GLCCI1: variants seen among roughly 807,000 people sequenced by gnomAD.
The protein encoded by GLCCI1 is glucocorticoid-induced transcript 1 protein.
A neutral mutation model predicts 52.2 loss-of-function variants in GLCCI1; 24 were observed. That is an observed-to-expected ratio of 0.46 (90% CI 0.33 to 0.65). The LOEUF (loss-of-function observed/expected upper bound fraction) is 0.65, where lower values mean the gene tolerates loss of function less well. GLCCI1 is among the 30% of genes least tolerant of loss of function. The pLI, the probability that GLCCI1 is intolerant of heterozygous loss-of-function variation, is 0.02. For missense variants in GLCCI1, 704 were observed against 701.5 expected (o/e 1.00, Z -0.04); for synonymous variants, 310 against 276.5 (o/e 1.12, Z -1.20).
Position 8,055,466 on chromosome 7 carries a change from A to C in GLCCI1, c.730A>C (p.Ser244Arg), listed in dbSNP as rs771260773. The C allele has an allele frequency of 2.5e-6, 4 of 1,613,974 alleles. No homozygotes were observed. Residue 244 changes from serine (S) to arginine (R), a missense_variant, in exon 4 of 8, where the codon AGT becomes CGT. Ser to Arg is a moderately radical substitution (Grantham distance 110). Coordinates refer to ENST00000223145, the MANE Select transcript of GLCCI1 (RefSeq NM_138426.4). Reference protein sequence around the residue: ...IAKLRQQLQRSKQSSRHSKEK... With the variant: ...IAKLRQQLQRRKQSSRHSKEK... ...CAAACTGAGGCAGCAACTACAACGC[A>C]GTAAACAGAGTAGTCGTCACAGTAA...
At chr7:8,044,280 A>G (rs1461098169) in intron 3 of GLCCI1, among the ~76,000 whole-genome samples, 2 of 152,088 alleles carry the variant, frequency 1.3e-5, no homozygotes, top group Admixed American at 6.6e-5. Flanking sequence ...ACACACCACT[A>G]AAGTTCAGTG....
In GLCCI1 at chr7:8,055,013, G is replaced by C. The variant is rs548829324; in HGVS notation, c.697-420G>C. The stretch of plus-strand genomic sequence containing the variant: ...AAAGTGTTTAGTAATTGGTAAACCA[G>C]ATCCATTTTGTTTATGTAGGACAGG... On this transcript the variant is annotated intron_variant, in intron 3 of 7. Transcript: ENST00000223145. 1.2e-4 allele frequency among the ~76,000 whole-genome samples: 19 copies of C among 152,228 alleles called. No homozygotes were observed. The East Asian group carries it at 3.3e-3, about 26-fold the overall frequency.
At chr7:8,001,111 T>G (rs1470867911) in intron 1 of GLCCI1, among the ~76,000 whole-genome samples, 2 of 152,248 alleles carry the variant, frequency 1.3e-5, no homozygotes, top group African/African-American at 4.8e-5. Flanking sequence ...TGCCTGTTAT[T>G]TGATGCAGTT....
At chr7:8,018,516 T>C (rs1238063561) in intron 2 of GLCCI1, among the ~76,000 whole-genome samples, 2 of 152,328 alleles carry the variant, frequency 1.3e-5, no homozygotes, top group Middle Eastern at 3.4e-3. Context: ...TCCTGTGCAG[T>C]GGGATTATTC....
intron 1 of GLCCI1, among the ~76,000 whole-genome samples, chr7:7,975,535 C>G (rs1263634898): frequency 6.6e-6 from 1 of 152,180 alleles, no homozygotes; most frequent in African/African-American, 2.4e-5. Flanking sequence ...TTGCTCCTAA[C>G]TCAAAAAGAC....
intron 2 of GLCCI1, among the ~76,000 whole-genome samples, chr7:8,007,982 T>G (rs1009728429): frequency 4.5e-4 from 68 of 152,232 alleles, no homozygotes; most frequent in African/African-American, 1.6e-3. Flanking sequence ...TAAGTAAAAA[T>G]TATTTATATA....
chr7:8,021,599 C>T (rs953970192), intron 2 of GLCCI1, among the ~76,000 whole-genome samples: 16 of 152,044 alleles, frequency 1.1e-4, no homozygotes, highest in Admixed American at 1.3e-4. Flanking sequence ...GGCGGGGTTT[C>T]ACCATGTTGG....
chr7:8,001,424 A>G (rs1583960760), intron 1 of GLCCI1, among the ~76,000 whole-genome samples: 1 of 152,232 alleles, frequency 6.6e-6, no homozygotes, highest in South Asian at 2.1e-4. Flanking sequence ...CACACCAGTT[A>G]GAATGGCAAT....
chr7:8,000,569 G>A (rs1396484399), intron 1 of GLCCI1, among the ~76,000 whole-genome samples: 1 of 151,804 alleles, frequency 6.6e-6, no homozygotes, highest in African/African-American at 2.4e-5. Context: ...TCGCTACAAT[G>A]TTTTTTTCAA....
At chr7:7,988,610 C>T (rs966640141) in intron 1 of GLCCI1, among the ~76,000 whole-genome samples, 2 of 151,912 alleles carry the variant, frequency 1.3e-5, no homozygotes, top group Non-Finnish European at 2.9e-5. Context: ...AACCAAATGT[C>T]ATTAAGAACC....
rs151314571 is a variant in GLCCI1, at chr7:7,976,818, G to A, written c.457+7011G>A. Among the ~76,000 whole-genome samples the A allele has an allele frequency of 2.9e-3, 434 of 151,854 alleles. 3 individuals are homozygous for A. The highest frequency in any genetic ancestry group is 0.01 in the African/African-American group (414 of 41,400). Reference sequence around the variant, plus strand: ...GTCCAGCTACTCAGGATCCTCCTGAGTGATCCTCAAGGAGGATCACTTGAG... The same window carrying A: ...GTCCAGCTACTCAGGATCCTCCTGAATGATCCTCAAGGAGGATCACTTGAG... On this transcript the variant is annotated intron_variant, in intron 1 of 7. Coordinates refer to ENST00000223145, the MANE Select transcript of GLCCI1 (RefSeq NM_138426.4).
intron 2 of GLCCI1, among the ~76,000 whole-genome samples, chr7:8,006,311 T>A (rs1781147970): frequency 6.6e-6 from 1 of 152,160 alleles, no homozygotes; most frequent in Non-Finnish European, 1.5e-5. Flanking sequence ...AGGCACATTG[T>A]CTTGGAGAGT....
At chr7:8,044,779 T>C (rs541765481) in intron 3 of GLCCI1, among the ~76,000 whole-genome samples, 1 of 152,358 alleles carries the variant, frequency 6.6e-6, no homozygotes, top group South Asian at 2.1e-4. Context: ...GCCTCTACTT[T>C]GCTCCAAACC....
At chr7:8,065,002 CCACCG>C (rs1782600566) in intron 5 of GLCCI1, among the ~76,000 whole-genome samples, 1 of 152,174 alleles carries the variant, frequency 6.6e-6, no homozygotes, top group Non-Finnish European at 1.5e-5. Flanking sequence ...TGAGCGTGAG[CCACCG>C]CGCCTGGCCA....
chr7:8,087,932 C>T lies in GLCCI1; in HGVS notation c.*1394C>T, dbSNP rs1482030473. On this transcript the variant is annotated 3_prime_UTR_variant, in exon 8 of 8. Coordinates refer to ENST00000223145, the MANE Select transcript of GLCCI1 (RefSeq NM_138426.4). ...AGAGCCCCAGGCATTCCTGATTGGT[C>T]AATGGGAGAGCCTAACTTTCATTGT... 1 of 152,558 alleles carries T rather than the reference C, an allele frequency of 6.6e-6. No individual in the cohort carries two copies. The highest frequency in any genetic ancestry group is 2.4e-5 in the African/African-American group (1 of 41,434). The allele number at this position is 152,558 out of a possible 1,614,324, so 9.5% of individuals were successfully genotyped here.
intron 1 of GLCCI1, among the ~76,000 whole-genome samples, chr7:7,973,413 C>CGTGCGTGT (rs1554257313): frequency 2.0e-5 from 3 of 147,590 alleles, no homozygotes; most frequent in African/African-American, 7.5e-5. Flanking sequence ...TCTTTGTGTG[C>CGTGCGTGT]GTGTGTGTGT....
intron 1 of GLCCI1, among the ~76,000 whole-genome samples, chr7:7,985,532 A>C (rs1054365957): frequency 2.0e-5 from 2 of 100,658 alleles, no homozygotes; most frequent in South Asian, 2.7e-4. Context: ...CTATCCTGGA[A>C]CTTTAAGTTA....
At chr7:8,013,531 TCA>T (rs1366258568) in intron 2 of GLCCI1, among the ~76,000 whole-genome samples, 4 of 152,200 alleles carry the variant, frequency 2.6e-5, no homozygotes, top group Non-Finnish European at 5.9e-5. Context: ...TTTATTTTTC[TCA>T]GTTAATTTTA....
chr7:8,013,289 G>A (rs962126030), intron 2 of GLCCI1, among the ~76,000 whole-genome samples: 2 of 152,124 alleles, frequency 1.3e-5, no homozygotes. Flanking sequence ...AAGGCATGAG[G>A]TGATATCCAG....
Sources: allele counts gnomAD v4.1 joint callset (sites outside exome capture counted in the v4.1 genomes callset), GRCh38; gene constraint gnomAD v4.1.1; transcripts MANE v1.5; gene names NCBI Gene and HGNC (gene_info 2026-07-23, HGNC 2026-07-21).